Variants in FAM13A observed in about 807,000 individuals in gnomAD.
The protein encoded by FAM13A is family with sequence similarity 13 member A.
A neutral mutation model predicts 129.6 loss-of-function variants in FAM13A; 76 were observed. The observed-to-expected ratio is 0.59, with a 90% CI of 0.49 to 0.71. FAM13A has a LOEUF of 0.71. FAM13A is among the 30% of genes least tolerant of loss of function. The probability of loss-of-function intolerance (pLI) is 0.00; values close to 1 mark genes in which losing one functional copy is unlikely to be tolerated. For synonymous variants in FAM13A, 443 were observed against 449.9 expected (o/e 0.98, Z 0.20); for missense variants, 1,108 against 1,249.3 (o/e 0.89, Z 1.70).
At chr4:88,775,579 T>C (rs1721546372) in intron 11 of FAM13A, among the ~76,000 whole-genome samples, 1 of 151,998 alleles carries the variant, frequency 6.6e-6, no homozygotes, top group Non-Finnish European at 1.5e-5. Context: ...TGGTGGCACA[T>C]GCCTATGGTC....
intron 5 of FAM13A, among the ~76,000 whole-genome samples, chr4:88,912,859 T>C (rs1005447725): frequency 6.6e-6 from 1 of 152,080 alleles, no homozygotes; most frequent in African/African-American, 2.4e-5. Flanking sequence ...CACATTCCTG[T>C]GGTCCTAGAT....
At position 88,961,455 on chromosome 4, in the gene FAM13A, C is replaced by T. The variant is rs531920891; in HGVS notation, c.606-23214G>A. 3.5e-5 allele frequency among the ~76,000 whole-genome samples: 5 copies of T among 142,648 alleles called. No homozygotes were observed. In the Admixed American group the frequency reaches 3.7e-4, roughly 11 times the overall value. 93.6% of individuals were successfully genotyped at this position (142,648 alleles called of 152,430 possible). The stretch of plus-strand genomic sequence containing the variant: ...TGATCTCAGTTCATTGCAACCTCCA[C>T]CTGCTGGGTTCAAGCAATTCTCCTA... On this transcript the variant is annotated intron_variant, in intron 4 of 23. Transcript: ENST00000264344.
intron 4 of FAM13A, among the ~76,000 whole-genome samples, chr4:88,966,143 T>C (rs544712438): frequency 6.6e-6 from 1 of 152,354 alleles, no homozygotes; most frequent in African/African-American, 2.4e-5. Context: ...ATGTAGTTTT[T>C]GACCACTAAT....
chr4:89,056,378 T>C (rs1772197136), intron 1 of FAM13A, among the ~76,000 whole-genome samples: 1 of 152,202 alleles, frequency 6.6e-6, no homozygotes, highest in Non-Finnish European at 1.5e-5. Flanking sequence ...TATTTATTAA[T>C]GCTACTGTGT....
intron 20 of FAM13A, 52 bp downstream of exon 20, chr4:88,738,978 C>A: frequency 8.8e-7 from 1 of 1,138,070 alleles, no homozygotes. Context: ...ATATCCAGGG[C>A]CCATTCAAGC....
chr4:88,776,585 T>C (rs1242735037), intron 11 of FAM13A, among the ~76,000 whole-genome samples: 1 of 152,242 alleles, frequency 6.6e-6, no homozygotes, highest in Non-Finnish European at 1.5e-5. Flanking sequence ...TCTGCTCTTC[T>C]ACTTCTGAAC....
In FAM13A at chr4:88,984,767, T is replaced by G. The variant is rs757247875; in HGVS notation, c.605+6206A>C. Among the ~76,000 whole-genome samples the G allele has an allele frequency of 7.2e-5, 11 of 152,314 alleles. 1 individual carries two copies. Among genetic ancestry groups the G allele is most frequent in the Middle Eastern group, 3.4e-3 (1 of 294 alleles). ...GTTTTATTTTTCTTTGAATATTTAT[T>G]TTATATTAGTCTCTTTTTGCATGAT... is the stretch of plus-strand genomic sequence containing the variant. On this transcript the variant is annotated intron_variant, in intron 4 of 23. Coordinates refer to ENST00000264344, the MANE Select transcript of FAM13A (RefSeq NM_014883.4).
At chr4:88,897,032 T>C (rs1746469960) in intron 6 of FAM13A, among the ~76,000 whole-genome samples, 1 of 152,196 alleles carries the variant, frequency 6.6e-6, no homozygotes, top group Non-Finnish European at 1.5e-5. Context: ...GATCGTTTTC[T>C]TCCCTCAGTT....
chr4:88,910,502 T>A (rs1443878583), intron 5 of FAM13A, among the ~76,000 whole-genome samples: 1 of 152,126 alleles, frequency 6.6e-6, no homozygotes, highest in Admixed American at 6.5e-5. Flanking sequence ...TCAATTTCAC[T>A]GGAGCAGGTT....
chr4:88,816,349 A>C (rs1253082894), intron 7 of FAM13A, among the ~76,000 whole-genome samples: 4 of 152,318 alleles, frequency 2.6e-5, no homozygotes, highest in Middle Eastern at 3.4e-3. Flanking sequence ...AATTACTTGC[A>C]ATTTTTTAGT....
Position 88,767,574 on chromosome 4 carries a change from A to G in FAM13A, c.1557T>C (p.Gly519=), listed in dbSNP as rs755890887. 3 of 1,603,200 alleles carry G rather than the reference A, an allele frequency of 1.9e-6. No homozygotes were observed. The South Asian group carries it at 3.4e-5, about 18-fold the overall frequency. The change falls in exon 13 of 24, where the codon GGT becomes GGC. Residue 519 remains glycine (G), a synonymous_variant. Transcript: ENST00000264344. The part of the protein sequence containing the change: ...SDERKGNEKD[G]GHTQHFESPT... ...TCACCTCAAAATGCTGAGTGTGTCC[A>G]CCATCTTTTTCATTTCCTTTCCTAT...
At position 88,871,394 on chromosome 4, in the gene FAM13A, T is replaced by C. The variant is rs1392589965; in HGVS notation, c.844-20211A>G. On this transcript the variant is annotated intron_variant, in intron 6 of 23. Coordinates refer to ENST00000264344, the MANE Select transcript of FAM13A (RefSeq NM_014883.4). Reference sequence around the variant, plus strand: ...AGCCATCGTAAGGAAGCTAAAAACCTTGAATACAGATGAGATGAATGGCTA... The same window carrying C: ...AGCCATCGTAAGGAAGCTAAAAACCCTGAATACAGATGAGATGAATGGCTA... 3.9e-5 allele frequency among the ~76,000 whole-genome samples: 6 copies of C among 152,262 alleles called. No homozygotes were observed. In the South Asian group the frequency reaches 1.0e-3, roughly 26 times the overall value.
chr4:88,862,280 A>G (rs1255231380), intron 6 of FAM13A, among the ~76,000 whole-genome samples: 2 of 152,230 alleles, frequency 1.3e-5, no homozygotes, highest in Non-Finnish European at 2.9e-5. Flanking sequence ...AATACACATA[A>G]GGCACACAAC....
chr4:88,895,024 A>G (rs1330218369), intron 6 of FAM13A, among the ~76,000 whole-genome samples: 2 of 152,206 alleles, frequency 1.3e-5, no homozygotes, highest in Non-Finnish European at 2.9e-5. Context: ...CTAATGATAA[A>G]TTAGAAAGTC....
chr4:89,025,648 A>C (rs1016338656), intron 2 of FAM13A, among the ~76,000 whole-genome samples: 3 of 152,204 alleles, frequency 2.0e-5, no homozygotes, highest in African/African-American at 7.2e-5. Flanking sequence ...TGATATATAC[A>C]TGTGGTAGAA....
At chr4:88,984,920 A>G (rs1286675730) in intron 4 of FAM13A, among the ~76,000 whole-genome samples, 1 of 152,222 alleles carries the variant, frequency 6.6e-6, no homozygotes, top group Non-Finnish European at 1.5e-5. Context: ...ATGAGACCCA[A>G]CAATTCTACT....
Position 88,851,176 on chromosome 4 carries a change from T to C in FAM13A, c.851A>G (p.Lys284Arg). 1 of 1,586,104 alleles carries C rather than the reference T, an allele frequency of 6.3e-7. No homozygotes were observed. The highest frequency in any genetic ancestry group is 8.6e-7 in the Non-Finnish European group (1 of 1,163,078). The change falls in exon 7 of 24, where the codon AAA (lysine) becomes AGA (arginine). Residue 284 changes from lysine to arginine, a missense_variant. Lys to Arg is a conservative substitution (Grantham distance 26). Coordinates refer to ENST00000264344, the MANE Select transcript of FAM13A (RefSeq NM_014883.4). ...PKPPPKTKIP[K>R]SRSEGSIQAH... ...CTGAATAGATCCCTCACTCCTGGATTTTGGGATCTAGAAGAAAAAAAAAAG... is the reference window on the plus strand; with the variant it reads ...CTGAATAGATCCCTCACTCCTGGATCTTGGGATCTAGAAGAAAAAAAAAAG...
chr4:88,730,504 T>TG (rs568354489), intron 23 of FAM13A, among the ~76,000 whole-genome samples: 83 of 152,282 alleles, frequency 5.5e-4, no homozygotes, highest in African/African-American at 1.8e-3. Context: ...GTGATTCTCT[T>TG]GCCTCAGCCT....
At chr4:89,047,733 A>G (rs115952892) in intron 1 of FAM13A, among the ~76,000 whole-genome samples, 2,236 of 152,308 alleles carry the variant, frequency 0.015, 59 homozygotes, top group African/African-American at 0.051. Context: ...AGAGAGGACA[A>G]AAACCCCACA....
Sources: gnomAD v4.1 joint callset for allele counts (sites outside exome capture counted in the v4.1 genomes callset) on GRCh38, gnomAD v4.1.1 for gene constraint, MANE v1.5 for transcripts, NCBI Gene and HGNC (gene_info 2026-07-23, HGNC 2026-07-21) for gene names.